Variants in RBM48 observed in about 807,000 individuals in gnomAD.
The protein encoded by RBM48 is RNA binding motif protein 48.
Under a neutral mutation model 34.8 loss-of-function variants are expected in RBM48, and 32 were observed. The ratio of observed to expected loss-of-function variants is 0.92; its 90% CI spans 0.69 to 1.23. The LOEUF is 1.23. RBM48 is among the 50% of genes most tolerant of loss of function. The pLI is 0.00. For missense variants in RBM48, 441 were observed against 447.2 expected (o/e 0.99, Z 0.12); for synonymous variants, 151 against 156.2 (o/e 0.97, Z 0.25).
At chr7:92,531,834 CAAGT>C (rs1273040811) in intron 2 of RBM48, among the ~76,000 whole-genome samples, 1 of 152,142 alleles carries the variant, frequency 6.6e-6, no homozygotes, top group Non-Finnish European at 1.5e-5. Context: ...GAAATCTCAA[CAAGT>C]ATTTATCATT....
Position 92,538,422 on chromosome 7 carries a change from CCCT to C in RBM48, c.*1493_*1495del, listed in dbSNP as rs1040721908. Among the ~76,000 whole-genome samples, 141 of 152,300 alleles carry C rather than the reference CCCT, an allele frequency of 9.3e-4. No homozygotes were observed. Among genetic ancestry groups the C allele is most frequent in the African/African-American group, 3.1e-3 (127 of 41,550 alleles). ...TTCCTGTTGTTTTTCAGCTTTTACTCCCTCCTCCTCTTCAGAGATGGGAGACAG... is the reference window on the plus strand; with the variant it reads ...TTCCTGTTGTTTTTCAGCTTTTACTCCCTCCTCTTCAGAGATGGGAGACAG... On this transcript the variant is annotated 3_prime_UTR_variant, in exon 5 of 5. Transcript: ENST00000265732.
rs1793813551 is a variant in RBM48, at chr7:92,539,661, T to C, written c.*2724T>C. ...TCGCAGTGAGTTGAGATTGTACCAC[T>C]GCACTCCAGTCTGGGCAACAGACGG... On this transcript the variant is annotated 3_prime_UTR_variant, in exon 5 of 5. Coordinates refer to ENST00000265732, the MANE Select transcript of RBM48 (RefSeq NM_032120.4). Among the ~76,000 whole-genome samples, 2 of 152,210 alleles carry C rather than the reference T, an allele frequency of 1.3e-5. No individual in the cohort carries two copies. The highest frequency in any genetic ancestry group is 2.9e-5 in the Non-Finnish European group (2 of 68,038).
In RBM48 at chr7:92,534,796, G is replaced by T. The variant is rs905477166; in HGVS notation, c.843G>T (p.Leu281=). The change falls in exon 4 of 5, where the codon CTG becomes CTT. Residue 281 remains leucine, a synonymous_variant. Coordinates refer to ENST00000265732, the MANE Select transcript of RBM48 (RefSeq NM_032120.4). ...VDRFMPRTTQ[L]QERKRRREDD... is the part of the protein sequence containing the mutation. ...GATTTATGCCTAGGACAACACAACT[G>T]CAGGAGCGCAAAAGAAGAAGAGAAG... 1.2e-6 allele frequency: 2 copies of T among 1,614,026 alleles called. No homozygotes were observed. Among genetic ancestry groups the T allele is most frequent in the African/African-American group, 2.7e-5 (2 of 74,926 alleles).
At chr7:92,532,372 A>T (rs763466800) in intron 2 of RBM48, 32 bp from the exon 3 acceptor site, 20 of 1,567,878 alleles carry the variant, frequency 1.3e-5, no homozygotes, top group Non-Finnish European at 1.6e-5. Flanking sequence ...AATCTAGATT[A>T]AAAAACTATG....
At position 92,528,911 on chromosome 7, in the gene RBM48, C is replaced by T. The variant is rs1007658516; in HGVS notation, c.98C>T (p.Pro33Leu). 12 of 1,613,456 alleles carry T rather than the reference C, an allele frequency of 7.4e-6. No individual in the cohort carries two copies. The Middle Eastern group carries it at 4.9e-4, about 66-fold the overall frequency. Residue 33 changes from proline to leucine, a missense_variant, in exon 1 of 5, where the codon CCT (proline) becomes CTT (leucine). Coordinates refer to ENST00000265732, the MANE Select transcript of RBM48 (RefSeq NM_032120.4). The part of the protein sequence containing the change: ...TRAKYREGRR[P>L]RAVKVYTINL... ...GCCAAATATCGAGAGGGACGACGGC[C>T]TCGTGCTGTGAAGGTAAAGTGATTT... is the stretch of plus-strand genomic sequence containing the variant.
chr7:92,532,245 G>A (rs187173522), intron 2 of RBM48, among the ~76,000 whole-genome samples, 159 bp from the exon 3 acceptor site: 46 of 152,310 alleles, frequency 3.0e-4, no homozygotes, highest in Non-Finnish European at 4.7e-4. Context: ...GATGAATACT[G>A]TCCACAAGCA....
At chr7:92,529,721 T>C (rs1370084996) in intron 2 of RBM48, 55 bp downstream of exon 2, 1 of 1,206,098 alleles carries the variant, frequency 8.3e-7, no homozygotes, top group Admixed American at 2.4e-5. Flanking sequence ...TTCATATTTC[T>C]GTCATTTTGG....
rs573844656 is a variant in RBM48, at chr7:92,532,903, A to G, written c.448+354A>G. Among the ~76,000 whole-genome samples the G allele has an allele frequency of 2.6e-5, 4 of 152,340 alleles. No individual in the cohort carries two copies. In the South Asian group the frequency reaches 8.3e-4, roughly 32 times the overall value. On this transcript the variant is annotated intron_variant, in intron 3 of 4. Transcript: ENST00000265732. ...AAGGAACTTTAATTAATACAGTATAACCAAAGCCCAAAGGTTTCAGTGAGA... is the reference window on the plus strand; with the variant it reads ...AAGGAACTTTAATTAATACAGTATAGCCAAAGCCCAAAGGTTTCAGTGAGA...
intron 4 of RBM48, chr7:92,535,777 C>G (rs190427147): frequency 3.0e-5 from 29 of 970,478 alleles, no homozygotes; most frequent in Admixed American, 1.8e-4. Flanking sequence ...CTAAAAATAT[C>G]TGATTAAAGG....
intron 2 of RBM48, among the ~76,000 whole-genome samples, chr7:92,530,331 C>T (rs1283648934): frequency 2.6e-5 from 4 of 151,222 alleles, no homozygotes; most frequent in Non-Finnish European, 1.5e-5. Context: ...CCCTCCTCTA[C>T]TAAAAATACA....
At position 92,536,752 on chromosome 7, in the gene RBM48, GGATT is replaced by G. The variant is rs1368227258; in HGVS notation, c.1018-96_1018-93del. ...AACTCTGCCTCGAAAGTGACATCAA[GGATT>G]GAACTATTGGATGTAGTCTTACCTC... On this transcript the variant is annotated intron_variant, in intron 4 of 4. Coordinates refer to ENST00000265732, the MANE Select transcript of RBM48 (RefSeq NM_032120.4). 3.8e-5 allele frequency: 54 copies of G among 1,406,464 alleles called. 2 individuals are homozygous for G. The East Asian group carries it at 6.9e-4, about 18-fold the overall frequency. The allele number at this position is 1,406,464 out of a possible 1,614,324, so 87.1% of individuals were successfully genotyped here.
chr7:92,529,433 G>T, intron 1 of RBM48, 43 bp from the exon 2 acceptor site: 1 of 1,233,304 alleles, frequency 8.1e-7, no homozygotes, highest in Non-Finnish European at 1.1e-6. Flanking sequence ...TTCGTCCTAG[G>T]CTTATTTGCG....
chr7:92,534,183 T>C (rs1487286969), intron 3 of RBM48: 1 of 604,832 alleles, frequency 1.7e-6, no homozygotes, highest in East Asian at 3.3e-5. Context: ...ACCAGACCCA[T>C]GGAGAGCAAG....
chr7:92,536,654 T>C, intron 4 of RBM48, 197 bp from the exon 5 acceptor site: 1 of 1,210,450 alleles, frequency 8.3e-7, no homozygotes, highest in Non-Finnish European at 1.0e-6. Context: ...TTTAGAAATT[T>C]TACTGTCATC....
chr7:92,533,336 A>G (rs925620768), intron 3 of RBM48, among the ~76,000 whole-genome samples: 2 of 152,228 alleles, frequency 1.3e-5, no homozygotes, highest in African/African-American at 4.8e-5. Flanking sequence ...CTTTGACATT[A>G]TCTGACCTGG....
intron 4 of RBM48, chr7:92,536,062 G>A (rs532531021): frequency 3.3e-6 from 2 of 605,548 alleles, no homozygotes; most frequent in East Asian, 1.4e-4. Flanking sequence ...TCTGGGAGGC[G>A]GAGGTTGCAG....
chr7:92,534,071 A>G (rs1793642164), intron 3 of RBM48, among the ~76,000 whole-genome samples: 1 of 152,224 alleles, frequency 6.6e-6, no homozygotes, highest in Non-Finnish European at 1.5e-5. Context: ...TGCGTATTAC[A>G]GGTTATCTTA....
At chr7:92,536,767 A>T in intron 4 of RBM48, 84 bp from the exon 5 acceptor site, 1 of 1,458,580 alleles carries the variant, frequency 6.9e-7, no homozygotes, top group East Asian at 2.6e-5. Context: ...GAACTATTGG[A>T]TGTAGTCTTA....
Position 92,537,678 on chromosome 7 carries a change from T to C in RBM48, c.*741T>C, listed in dbSNP as rs1366149445. On this transcript the variant is annotated 3_prime_UTR_variant, in exon 5 of 5. Transcript: ENST00000265732. ...AGAACCTTATATGCTTTAAATAACT[T>C]TTAAGAATTTGCTTGACCTGTGGCA... is the stretch of plus-strand genomic sequence containing the variant. 1 of 152,192 alleles carries C rather than the reference T, an allele frequency of 6.6e-6. No individual in the cohort carries two copies. The highest frequency in any genetic ancestry group is 1.5e-5 in the Non-Finnish European group (1 of 68,022). 9.4% of individuals were successfully genotyped at this position (152,192 alleles called of 1,614,324 possible). A position where few individuals can be genotyped will look rare whatever the true frequency, so the allele number is the denominator to read the frequency against.
Sources: allele counts gnomAD v4.1 joint callset (sites outside exome capture counted in the v4.1 genomes callset), GRCh38; gene constraint gnomAD v4.1.1; transcripts MANE v1.5; gene names NCBI Gene and HGNC (gene_info 2026-07-23, HGNC 2026-07-21).